The following ERGIC1 variants were observed in gnomAD, a reference collection of about 807,000 sequenced individuals.
ERGIC1 encodes the protein endoplasmic reticulum-golgi intermediate compartment 1, also known as endoplasmic reticulum-Golgi intermediate compartment protein 1.
ERGIC1 carries 19 observed loss-of-function variants against 38.3 expected under a neutral mutation model. The observed-to-expected ratio is 0.50, with a 90% CI of 0.35 to 0.73. ERGIC1 has a LOEUF of 0.73. ERGIC1 is among the 30% of genes least tolerant of loss of function. The probability of loss-of-function intolerance (pLI) is 0.01; values close to 1 mark genes in which losing one functional copy is unlikely to be tolerated. For missense variants in ERGIC1, 294 were observed against 389.2 expected, an observed-to-expected ratio of 0.76 and a Z score of 2.06; for synonymous variants, 124 against 157.6, an observed-to-expected ratio of 0.79 and a Z score of 1.60.
chr5:172,931,396 A>G (rs1035831467), intron 7 of ERGIC1, among the ~76,000 whole-genome samples: 5 of 152,118 alleles, frequency 3.3e-5, no homozygotes, highest in East Asian at 3.9e-4. Context: ...TTCAGTAAGC[A>G]TTTGCCACGG....
At chr5:172,877,408 A>ATGTGTGTGTG (rs1319990358) in intron 1 of ERGIC1, among the ~76,000 whole-genome samples, 6 of 116,756 alleles carry the variant, frequency 5.1e-5, no homozygotes, top group African/African-American at 1.9e-4. Flanking sequence ...AATATTATAT[A>ATGTGTGTGTG]TATGTGTGTG....
At chr5:172,912,676 C>T (rs932326027) in intron 4 of ERGIC1, among the ~76,000 whole-genome samples, 9 of 151,806 alleles carry the variant, frequency 5.9e-5, no homozygotes, top group African/African-American at 1.9e-4. Flanking sequence ...CGTGAGCCAC[C>T]GCGCCCAGCC....
At chr5:172,863,443 C>G (rs982278922) in intron 1 of ERGIC1, among the ~76,000 whole-genome samples, 1 of 152,166 alleles carries the variant, frequency 6.6e-6, no homozygotes. Context: ...TACACCACTG[C>G]GCAGCCTCCC....
chr5:172,928,466 G>T (rs1354880643), intron 7 of ERGIC1, among the ~76,000 whole-genome samples: 2 of 152,334 alleles, frequency 1.3e-5, no homozygotes, highest in East Asian at 3.9e-4. Context: ...CCGTCTCCAA[G>T]AAGCCCTCAC....
chr5:172,906,477 G>T (rs1763027248), intron 3 of ERGIC1, among the ~76,000 whole-genome samples: 2 of 152,130 alleles, frequency 1.3e-5, no homozygotes, highest in Admixed American at 1.3e-4. Flanking sequence ...CCCATCTGTT[G>T]CACTCTTGTC....
intron 3 of ERGIC1, among the ~76,000 whole-genome samples, chr5:172,897,443 A>AAAAAGAGAG (rs780361647): frequency 7.0e-5 from 10 of 142,456 alleles, no homozygotes; most frequent in African/African-American, 2.7e-4. Context: ...AAAAAAAAAA[A>AAAAAGAGAG]AGAGAGAGAG....
At chr5:172,877,797 G>C (rs1260012618) in intron 1 of ERGIC1, among the ~76,000 whole-genome samples, 4 of 152,116 alleles carry the variant, frequency 2.6e-5, no homozygotes, top group Non-Finnish European at 1.5e-5. Flanking sequence ...GCCTTGTGTA[G>C]ATGTCAATTT....
chr5:172,859,866 C>T (rs1761653081), intron 1 of ERGIC1, among the ~76,000 whole-genome samples: 1 of 152,240 alleles, frequency 6.6e-6, no homozygotes, highest in Non-Finnish European at 1.5e-5. Context: ...ACAGTCAGTA[C>T]TTTGGGGTTC....
chr5:172,920,574 C>A lies in ERGIC1; in HGVS notation c.376-3431C>A, dbSNP rs777373803. The A allele has an allele frequency of 6.3e-5, 40 of 633,898 alleles. 2 individuals carry two copies. The South Asian group carries it at 6.5e-4, about 10-fold the overall frequency. 39.3% of individuals were successfully genotyped at this position (633,898 alleles called of 1,614,324 possible). ...GTTCCTAAGTCACAGGCTCTAAAAG[C>A]GTTGCTGTTTCTTTCTTCAGCCCAG... On this transcript the variant is annotated intron_variant, in intron 5 of 9. Coordinates refer to ENST00000393784, the MANE Select transcript of ERGIC1 (RefSeq NM_001031711.3).
intron 1 of ERGIC1, among the ~76,000 whole-genome samples, chr5:172,873,504 A>G (rs1354517461): frequency 1.3e-5 from 2 of 152,226 alleles, no homozygotes; most frequent in South Asian, 4.1e-4. Flanking sequence ...TGGACCCTGC[A>G]TCCTTCACTC....
intron 5 of ERGIC1, chr5:172,915,984 G>A (rs1313008536): frequency 4.9e-6 from 1 of 202,512 alleles, no homozygotes; most frequent in African/African-American, 2.4e-5. Context: ...CCAGATTTCT[G>A]GCTTTTAAAA....
intron 1 of ERGIC1, among the ~76,000 whole-genome samples, chr5:172,878,159 G>GT (rs1240839479): frequency 1.3e-5 from 2 of 152,242 alleles, no homozygotes; most frequent in Non-Finnish European, 2.9e-5. Flanking sequence ...TGGGGTAGAA[G>GT]TGGAGGCTGC....
At chr5:172,934,541 TCA>T (rs373367359) in intron 8 of ERGIC1, 61 of 153,544 alleles carry the variant, frequency 4.0e-4, no homozygotes, top group South Asian at 1.2e-3. Flanking sequence ...TTTACACCCA[TCA>T]CACACACACA....
At chr5:172,914,254 A>AAATAAATAAAT (rs1554112479) in intron 4 of ERGIC1, among the ~76,000 whole-genome samples, 4 of 131,236 alleles carry the variant, frequency 3.0e-5, no homozygotes, top group African/African-American at 8.8e-5. Context: ...AAAAAAAAAA[A>AAATAAATAAAT]AAATACAAAG....
At chr5:172,915,563 C>T in intron 5 of ERGIC1, 1 of 471,150 alleles carries the variant, frequency 2.1e-6, no homozygotes, top group Non-Finnish European at 4.4e-6. Context: ...ACGCAGTGCC[C>T]TTGGGAGGGC....
intron 1 of ERGIC1, among the ~76,000 whole-genome samples, chr5:172,850,703 C>A (rs1761382053): frequency 6.6e-6 from 1 of 152,088 alleles, no homozygotes. Context: ...TCATATAGCC[C>A]TAGGTCTTAT....
chr5:172,879,953 G>A (rs987021168), intron 1 of ERGIC1, among the ~76,000 whole-genome samples: 1 of 152,180 alleles, frequency 6.6e-6, no homozygotes, highest in Non-Finnish European at 1.5e-5. Context: ...TCCACTGAGA[G>A]GCAAAACCTC....
chr5:172,901,598 TTA>T (rs963464520), intron 3 of ERGIC1, among the ~76,000 whole-genome samples: 50 of 152,144 alleles, frequency 3.3e-4, no homozygotes, highest in African/African-American at 1.2e-3. Context: ...ATTTTTATTT[TTA>T]TTTTTTGTTT....
chr5:172,845,212 C>T (rs1321784321), intron 1 of ERGIC1, among the ~76,000 whole-genome samples: 1 of 152,178 alleles, frequency 6.6e-6, no homozygotes, highest in African/African-American at 2.4e-5. Context: ...CCTCCATCTA[C>T]TCAGCTGTGT....
Sources: gnomAD v4.1 joint callset for allele counts (sites outside exome capture counted in the v4.1 genomes callset) on GRCh38, gnomAD v4.1.1 for gene constraint, MANE v1.5 for transcripts, NCBI Gene and HGNC (gene_info 2026-07-23, HGNC 2026-07-21) for gene names.